ANTXR1: variants seen among roughly 807,000 people sequenced by gnomAD.
The protein encoded by ANTXR1 is ANTXR cell adhesion molecule 1.
A neutral mutation model predicts 78.1 loss-of-function variants in ANTXR1; 19 were observed. The observed-to-expected ratio is 0.24, with a 90% CI of 0.17 to 0.36. The LOEUF (loss-of-function observed/expected upper bound fraction) is 0.36. ANTXR1 is among the 10% of genes least tolerant of loss of function. The pLI is 1.00. For synonymous variants in ANTXR1, 273 were observed against 260.5 expected (o/e 1.05, Z -0.46); for missense variants, 518 against 718.6 (o/e 0.72, Z 3.19).
chr2:69,094,070 G>A (rs1167478285), intron 9 of ANTXR1, among the ~76,000 whole-genome samples: 1 of 152,206 alleles, frequency 6.6e-6, no homozygotes, highest in African/African-American at 2.4e-5. Flanking sequence ...AAGATTTCTT[G>A]TTGACCATTC....
intron 3 of ANTXR1, among the ~76,000 whole-genome samples, chr2:69,046,986 G>A (rs887910514): frequency 3.3e-5 from 5 of 152,120 alleles, no homozygotes; most frequent in Admixed American, 2.0e-4. Context: ...AAAGATATAC[G>A]GCTGATCCTT....
chr2:69,111,702 G>C (rs1025505524), intron 10 of ANTXR1, among the ~76,000 whole-genome samples: 1 of 152,236 alleles, frequency 6.6e-6, no homozygotes, highest in African/African-American at 2.4e-5. Context: ...ACATCGGTCA[G>C]GAAGGCAGTT....
chr2:69,166,268 C>T (rs1673825296), intron 13 of ANTXR1, among the ~76,000 whole-genome samples: 1 of 152,232 alleles, frequency 6.6e-6, no homozygotes, highest in South Asian at 2.1e-4. Flanking sequence ...GACCCTACCT[C>T]ATGTCAGCCT....
At chr2:69,047,301 G>A (rs1669797966) in intron 3 of ANTXR1, among the ~76,000 whole-genome samples, 1 of 152,110 alleles carries the variant, frequency 6.6e-6, no homozygotes, top group African/African-American at 2.4e-5. Flanking sequence ...TAAATATAAT[G>A]TGTTAAGATA....
intron 12 of ANTXR1, among the ~76,000 whole-genome samples, chr2:69,140,417 C>T (rs1432239393): frequency 6.6e-6 from 1 of 152,190 alleles, no homozygotes; most frequent in African/African-American, 2.4e-5. Context: ...ATATATTCTG[C>T]ACTCTTGCTT....
intron 16 of ANTXR1, among the ~76,000 whole-genome samples, chr2:69,187,585 C>CTT (rs58660678): frequency 0.018 from 1,704 of 94,834 alleles, 131 homozygotes; most frequent in African/African-American, 0.039. Flanking sequence ...TCATGTATTT[C>CTT]TTTTTTTTTT....
intron 13 of ANTXR1, among the ~76,000 whole-genome samples, chr2:69,161,741 G>A (rs1303782458): frequency 1.3e-5 from 2 of 152,206 alleles, no homozygotes; most frequent in Non-Finnish European, 2.9e-5. Flanking sequence ...AAGGGTCAGA[G>A]CAAGCATCTC....
At chr2:69,193,457 T>A (rs202140417) in intron 17 of ANTXR1, 42 bp downstream of exon 17, 94 of 1,164,062 alleles carry the variant, frequency 8.1e-5, no homozygotes, top group African/African-American at 5.9e-4. Context: ...TCTCTCTCTC[T>A]CTCACATACA....
chr2:69,119,520 C>T (rs763433263), intron 10 of ANTXR1, among the ~76,000 whole-genome samples: 1 of 152,250 alleles, frequency 6.6e-6, no homozygotes, highest in Admixed American at 6.5e-5. Context: ...CAAGCCTTTC[C>T]TGGAATGGAG....
At chr2:69,113,532 A>G (rs1449164499) in intron 10 of ANTXR1, among the ~76,000 whole-genome samples, 1 of 152,186 alleles carries the variant, frequency 6.6e-6, no homozygotes, top group Admixed American at 6.5e-5. Context: ...GCAGCCAGCA[A>G]GCATCCCACA....
At chr2:69,142,271 C>T (rs1036706462) in intron 12 of ANTXR1, among the ~76,000 whole-genome samples, 3 of 152,278 alleles carry the variant, frequency 2.0e-5, no homozygotes, top group South Asian at 4.1e-4. Context: ...TAACTATAGG[C>T]GGCATCAGCC....
chr2:69,017,522 G>A (rs1417401649), intron 1 of ANTXR1, among the ~76,000 whole-genome samples: 2 of 152,114 alleles, frequency 1.3e-5, no homozygotes, highest in Admixed American at 1.3e-4. Flanking sequence ...TGGCCTGGAG[G>A]GAACCCAGAT....
At position 69,123,001 on chromosome 2, in the gene ANTXR1, G is replaced by C; in HGVS notation, c.803-16G>C. 1 of 1,613,318 alleles carries C rather than the reference G, an allele frequency of 6.2e-7. No individual in the cohort carries two copies. The highest frequency in any genetic ancestry group is 1.3e-5 in the African/African-American group (1 of 75,016). On this transcript the variant is annotated splice_polypyrimidine_tract_variant and intron_variant, in intron 10 of 17. Coordinates refer to ENST00000303714, the MANE Select transcript of ANTXR1 (RefSeq NM_032208.3). ...CTCACCTCCCTCTTCTTAATCCAGT[G>C]ATTTCCTTTTTGCAGATGAGAAGCC...
chr2:69,070,517 T>A (rs147628693), intron 3 of ANTXR1, 130 bp from the exon 4 acceptor site: 16 of 831,342 alleles, frequency 1.9e-5, no homozygotes, highest in Non-Finnish European at 3.1e-5. Context: ...TTCCCTTTGA[T>A]AGGCTTTTGG....
chr2:69,086,624 A>T (rs1247160040), intron 8 of ANTXR1, among the ~76,000 whole-genome samples: 2 of 152,250 alleles, frequency 1.3e-5, no homozygotes, highest in African/African-American at 4.8e-5. Flanking sequence ...AGCAAATATG[A>T]TTAAGCAGAA....
At chr2:69,073,935 A>G (rs1320173333) in intron 6 of ANTXR1, among the ~76,000 whole-genome samples, 1 of 152,238 alleles carries the variant, frequency 6.6e-6, no homozygotes, top group East Asian at 1.9e-4. Flanking sequence ...GTAGCATCAC[A>G]CTTTCCTCAA....
chr2:69,021,293 C>T (rs1356980039), intron 1 of ANTXR1, among the ~76,000 whole-genome samples: 1 of 152,204 alleles, frequency 6.6e-6, no homozygotes, highest in Non-Finnish European at 1.5e-5. Context: ...GCCCCTCTGA[C>T]TCATAATCTA....
chr2:69,218,973 G>A (rs947463617), intron 17 of ANTXR1, among the ~76,000 whole-genome samples: 1 of 152,142 alleles, frequency 6.6e-6, no homozygotes, highest in Non-Finnish European at 1.5e-5. Flanking sequence ...TAACTGCTCC[G>A]TTTTGACATC....
intron 12 of ANTXR1, among the ~76,000 whole-genome samples, chr2:69,142,867 T>C (rs1673108282): frequency 6.6e-6 from 1 of 152,106 alleles, no homozygotes; most frequent in Admixed American, 6.6e-5. Context: ...AGGGCTTGTA[T>C]GGGCTAAAGA....
Sources: allele counts gnomAD v4.1 joint callset (sites outside exome capture counted in the v4.1 genomes callset), GRCh38; gene constraint gnomAD v4.1.1; transcripts MANE v1.5; gene names NCBI Gene and HGNC (gene_info 2026-07-23, HGNC 2026-07-21).